The following CCDC138 variants were observed in gnomAD, a reference collection of about 807,000 sequenced individuals.
CCDC138 encodes coiled-coil domain-containing protein 138.
CCDC138 carries 66 observed loss-of-function variants against 82.3 expected under a neutral mutation model. The ratio of observed to expected loss-of-function variants is 0.80; its 90% CI spans 0.66 to 0.98. The LOEUF (loss-of-function observed/expected upper bound fraction) is 0.98, where lower values mean the gene tolerates loss of function less well. Ranked by LOEUF, CCDC138 falls within the 50% of genes least tolerant of loss-of-function variation. The pLI is 0.00. For synonymous variants in CCDC138, 297 were observed against 265.4 expected (o/e 1.12, Z -1.16); for missense variants, 816 against 758.9 (o/e 1.08, Z -0.88).
At position 108,788,024 on chromosome 2, in the gene CCDC138, T is replaced by C. The variant is rs773457948; in HGVS notation, c.94-8T>C. ...TATACAAATTAAATCTTTTCTTTTT[T>C]TTTTTAGTATGATTTTTCAAATTTT... On this transcript the variant is annotated splice_polypyrimidine_tract_variant and splice_region_variant and intron_variant, in intron 1 of 14. Coordinates refer to ENST00000295124, the MANE Select transcript of CCDC138 (RefSeq NM_144978.3). The C allele has an allele frequency of 3.9e-6, 6 of 1,527,942 alleles. No individual in the cohort carries two copies. Among genetic ancestry groups the C allele is most frequent in the Admixed American group, 4.1e-5 (2 of 48,948 alleles). The allele number at this position is 1,527,942 out of a possible 1,614,324, so 94.6% of individuals were successfully genotyped here. A position where few individuals can be genotyped will look rare whatever the true frequency, so the allele number is the denominator to read the frequency against.
chr2:108,811,734 C>T (rs1367704200), intron 7 of CCDC138, among the ~76,000 whole-genome samples: 1 of 151,850 alleles, frequency 6.6e-6, no homozygotes, highest in Non-Finnish European at 1.5e-5. Context: ...AACATTGTAC[C>T]CAGTAGGTTA....
Position 108,786,807 on chromosome 2 carries a change from A to G in CCDC138, c.-16A>G, listed in dbSNP as rs756114390. 7.0e-6 allele frequency: 11 copies of G among 1,577,696 alleles called. No homozygotes were observed. Among genetic ancestry groups the G allele is most frequent in the Non-Finnish European group, 8.6e-6 (10 of 1,161,848 alleles). On this transcript the variant is annotated 5_prime_UTR_variant, in exon 1 of 15. Transcript: ENST00000295124. The stretch of plus-strand genomic sequence containing the variant: ...GAACGCGGTTCCCGGGGAGACTGGT[A>G]CGGTTGCTGTGTGCTATGGAGCCGA...
At chr2:108,847,145 A>G (rs1318793538) in intron 12 of CCDC138, among the ~76,000 whole-genome samples, 1 of 152,154 alleles carries the variant, frequency 6.6e-6, no homozygotes, top group African/African-American at 2.4e-5. Context: ...GAGGCCTTTG[A>G]TTGTCTTAGG....
chr2:108,786,959 G>C (rs576478641), intron 1 of CCDC138, 44 bp downstream of exon 1: 2 of 1,364,468 alleles, frequency 1.5e-6, no homozygotes, highest in Non-Finnish European at 9.7e-7. Context: ...CCTGCTGCTG[G>C]GGGGCGGCCC....
rs529012988 is a variant in CCDC138 at position 108,817,743 on chromosome 2, A to C, written c.1206+1638A>C. ...TCCCTTAGCCTCCAGAAAGGAACAC[A>C]GCTCTGTATATACATTGATTTTGGC... On this transcript the variant is annotated intron_variant, in intron 10 of 14. Coordinates refer to ENST00000295124, the MANE Select transcript of CCDC138 (RefSeq NM_144978.3). Among the ~76,000 whole-genome samples the C allele has an allele frequency of 5.3e-5, 8 of 152,326 alleles. 1 individual carries two copies. In the South Asian group the frequency reaches 1.7e-3, roughly 32 times the overall value.
intron 13 of CCDC138, among the ~76,000 whole-genome samples, chr2:108,871,830 T>C (rs1695301896): frequency 6.6e-6 from 1 of 152,176 alleles, no homozygotes; most frequent in Admixed American, 6.5e-5. Context: ...TAGTCATAGT[T>C]TATCTTTTTA....
chr2:108,795,311 C>T (rs539109880), intron 5 of CCDC138, among the ~76,000 whole-genome samples: 6 of 151,822 alleles, frequency 4.0e-5, no homozygotes, highest in Non-Finnish European at 7.4e-5. Flanking sequence ...CACCCCATCC[C>T]GCCCAGCCAA....
intron 1 of CCDC138, 50 bp from the exon 2 acceptor site, chr2:108,787,982 A>G: frequency 5.1e-6 from 7 of 1,374,684 alleles, no homozygotes; most frequent in Non-Finnish European, 6.9e-6. Context: ...ATTTTGAGAC[A>G]GTAAATTGAT....
intron 10 of CCDC138, among the ~76,000 whole-genome samples, chr2:108,824,890 T>G (rs1286537725): frequency 2.0e-5 from 3 of 152,144 alleles, no homozygotes; most frequent in African/African-American, 7.2e-5. Context: ...GGGACCAGCA[T>G]TGTTATATGT....
intron 2 of CCDC138, chr2:108,884,529 GAA>G (rs1166287775): frequency 6.6e-6 from 1 of 152,226 alleles, no homozygotes; most frequent in African/African-American, 2.4e-5. Flanking sequence ...GAGAATAAGA[GAA>G]GAGATCTTTG....
At chr2:108,794,484 A>G in intron 4 of CCDC138, 56 bp from the exon 5 acceptor site, 1 of 1,472,608 alleles carries the variant, frequency 6.8e-7, no homozygotes, top group South Asian at 1.3e-5. Context: ...TACTCTGAGA[A>G]TATTTGAAAC....
Position 108,786,786 on chromosome 2 carries a change from G to T in CCDC138, c.-37G>T, listed in dbSNP as rs377073351. 2.1e-4 allele frequency: 320 copies of T among 1,545,948 alleles called. No homozygotes were observed. The highest frequency in any genetic ancestry group is 2.1e-4 in the Non-Finnish European group (234 of 1,137,106). On this transcript the variant is annotated 5_prime_UTR_variant, in exon 1 of 15. Coordinates refer to ENST00000295124, the MANE Select transcript of CCDC138 (RefSeq NM_144978.3). ...GCGTAGCGCCGCGGGTTTGATGAAC[G>T]CGGTTCCCGGGGAGACTGGTACGGT... is the stretch of plus-strand genomic sequence containing the variant.
intron 11 of CCDC138, among the ~76,000 whole-genome samples, chr2:108,845,649 G>A (rs565282580): frequency 6.7e-6 from 1 of 148,906 alleles, no homozygotes; most frequent in Non-Finnish European, 1.5e-5. Flanking sequence ...TCGGCTCACT[G>A]CAAGCTCCGC....
intron 10 of CCDC138, among the ~76,000 whole-genome samples, chr2:108,822,258 T>C (rs1685829184): frequency 6.6e-6 from 1 of 152,142 alleles, no homozygotes; most frequent in South Asian, 2.1e-4. Context: ...CAAGAAGATA[T>C]AAATGAGAAA....
chr2:108,825,125 G>A (rs1431034465), intron 10 of CCDC138, among the ~76,000 whole-genome samples: 1 of 152,128 alleles, frequency 6.6e-6, no homozygotes, highest in African/African-American at 2.4e-5. Flanking sequence ...ATAGTTAACT[G>A]ACCTAGACTC....
chr2:108,836,205 C>A (rs1205352631), intron 10 of CCDC138, among the ~76,000 whole-genome samples: 1 of 152,156 alleles, frequency 6.6e-6, no homozygotes, highest in Admixed American at 6.5e-5. Context: ...ATTCAATTTT[C>A]TGCTTCAATG....
At chr2:108,814,581 G>T (rs890186660) in intron 9 of CCDC138, among the ~76,000 whole-genome samples, 2 of 151,478 alleles carry the variant, frequency 1.3e-5, no homozygotes, top group Non-Finnish European at 2.9e-5. Context: ...GATTGCCATC[G>T]GCTTAATGTT....
At chr2:108,808,179 A>G (rs1286054942) in intron 7 of CCDC138, among the ~76,000 whole-genome samples, 1 of 152,130 alleles carries the variant, frequency 6.6e-6, no homozygotes, top group African/African-American at 2.4e-5. Context: ...GCTGAACAGT[A>G]TTTCATTGTG....
intron 10 of CCDC138, among the ~76,000 whole-genome samples, chr2:108,820,467 A>G (rs1262851514): frequency 6.6e-6 from 1 of 152,180 alleles, no homozygotes; most frequent in African/African-American, 2.4e-5. Flanking sequence ...GAGGAAAGAA[A>G]TAGGCATACA....
Sources: gnomAD v4.1 joint callset for allele counts (sites outside exome capture counted in the v4.1 genomes callset) on GRCh38, gnomAD v4.1.1 for gene constraint, MANE v1.5 for transcripts, NCBI Gene and HGNC (gene_info 2026-07-23, HGNC 2026-07-21) for gene names.